SLC28A1: variants seen among roughly 807,000 people sequenced by gnomAD.
The protein encoded by SLC28A1 is sodium/nucleoside cotransporter 1.
SLC28A1 carries 64 observed loss-of-function variants against 74.8 expected under a neutral mutation model. The observed-to-expected ratio is 0.86, with a 90% CI of 0.70 to 1.05. The LOEUF (loss-of-function observed/expected upper bound fraction) is 1.05, where lower values mean the gene tolerates loss of function less well. SLC28A1 is among the 50% of genes least tolerant of loss of function. The probability of loss-of-function intolerance (pLI) is 0.00; values close to 1 mark genes in which losing one functional copy is unlikely to be tolerated. For synonymous variants in SLC28A1, 359 were observed against 335.0 expected (o/e 1.07, Z -0.78); for missense variants, 828 against 822.8 (o/e 1.01, Z -0.08).
At chr15:84,898,231 T>C (rs1966217945) in intron 6 of SLC28A1, among the ~76,000 whole-genome samples, 1 of 152,126 alleles carries the variant, frequency 6.6e-6, no homozygotes, top group African/African-American at 2.4e-5. Context: ...CCATGCACTG[T>C]AAATGGGCAA....
chr15:84,932,213 C>T (rs1971388246), intron 12 of SLC28A1, among the ~76,000 whole-genome samples: 1 of 152,148 alleles, frequency 6.6e-6, no homozygotes, highest in Non-Finnish European at 1.5e-5. Context: ...CCATCATTTT[C>T]AATGACAGCC....
chr15:84,916,976 C>T (rs1039429277), intron 9 of SLC28A1, among the ~76,000 whole-genome samples: 25 of 139,348 alleles, frequency 1.8e-4, no homozygotes, highest in South Asian at 7.2e-4. Flanking sequence ...TGTAGTGAGC[C>T]GAGATCGTAC....
the SLC28A1 span, among the ~76,000 whole-genome samples, chr15:84,963,169 G>A: frequency 1.3e-5 from 2 of 152,082 alleles, no homozygotes; most frequent in Non-Finnish European, 2.9e-5. Flanking sequence ...GATTTAAATT[G>A]AATTAGAAAA....
At chr15:84,906,776 T>C (rs1967316630) in intron 8 of SLC28A1, among the ~76,000 whole-genome samples, 2 of 151,928 alleles carry the variant, frequency 1.3e-5, no homozygotes, top group Admixed American at 6.6e-5. Flanking sequence ...TTTGGTAAAA[T>C]ATACATAACA....
At chr15:84,918,267 C>CT (rs1300493440) in intron 9 of SLC28A1, among the ~76,000 whole-genome samples, 1 of 152,136 alleles carries the variant, frequency 6.6e-6, no homozygotes, top group Non-Finnish European at 1.5e-5. Flanking sequence ...CCTACCTGTG[C>CT]TGAGGAGAGG....
At chr15:84,895,258 G>T in intron 6 of SLC28A1, 135 bp downstream of exon 6, 2 of 1,573,492 alleles carry the variant, frequency 1.3e-6, no homozygotes, top group South Asian at 2.2e-5. Context: ...CCCAGGGCAG[G>T]AGCCAGTGGG....
At chr15:84,962,486 G>A in the SLC28A1 span, among the ~76,000 whole-genome samples, 1 of 152,146 alleles carries the variant, frequency 6.6e-6, no homozygotes, top group Non-Finnish European at 1.5e-5. Flanking sequence ...CGCCCAGGCT[G>A]GAGTATGGTG....
At position 84,920,992 on chromosome 15, in the gene SLC28A1, G is replaced by A; in HGVS notation, c.880G>A (p.Ala294Thr). ...GLMQWVILKI[A>T]WLMQVTMGTT... ...AGAACATTCTGCTTCCTTCTAGATTGCCTGGCTGATGCAAGTCACCATGGG... is the reference window on the plus strand; with the variant it reads ...AGAACATTCTGCTTCCTTCTAGATTACCTGGCTGATGCAAGTCACCATGGG... The change falls in exon 11 of 19, where the codon GCC (alanine) becomes ACC (threonine). Residue 294 changes from alanine to threonine, a missense_variant. By Grantham distance (58) the Ala-to-Thr change is moderately conservative. Around this residue, in one of 3 missense-constraint regions of SLC28A1, gnomAD observed 767 missense variants for 753.5 expected, o/e 1.02. Transcript: ENST00000394573. 6.2e-7 allele frequency: 1 copy of A among 1,613,310 alleles called. No homozygotes were observed. The highest frequency in any genetic ancestry group is 8.5e-7 in the Non-Finnish European group (1 of 1,179,306).
chr15:84,925,790 A>C (rs888873672), intron 12 of SLC28A1, among the ~76,000 whole-genome samples: 4 of 152,052 alleles, frequency 2.6e-5, no homozygotes, highest in Non-Finnish European at 5.9e-5. Flanking sequence ...TTTTTTAATA[A>C]AAGTTGAGAA....
At position 84,945,194 on chromosome 15, in the gene SLC28A1, A is replaced by C; in HGVS notation, c.1944A>C (p.Ala648=). The C allele has an allele frequency of 6.2e-7, 1 of 1,613,858 alleles. No homozygotes were observed. Among genetic ancestry groups the C allele is most frequent in the Non-Finnish European group, 8.5e-7 (1 of 1,179,776 alleles). ...GGTTTTACAACCACACGATCTGTGC[A>C]CAGTGAGGACAGAACATGCTTGTGC... ...CCRFYNHTIC[A]Q Residue 648 remains alanine, a synonymous_variant, in exon 19 of 19, where the codon GCA becomes GCC. Transcript: ENST00000394573.
intron 2 of SLC28A1, among the ~76,000 whole-genome samples, chr15:84,887,018 T>C (rs1392328781): frequency 6.6e-6 from 1 of 152,194 alleles, no homozygotes; most frequent in Non-Finnish European, 1.5e-5. Flanking sequence ...TATTTACAGA[T>C]GAGCTTAAGC....
At chr15:84,931,828 G>A (rs1596336533) in intron 12 of SLC28A1, among the ~76,000 whole-genome samples, 1 of 150,200 alleles carries the variant, frequency 6.7e-6, no homozygotes, top group African/African-American at 2.5e-5. Flanking sequence ...ACGGTGAAAC[G>A]CCATCTCTAC....
Position 84,935,061 on chromosome 15 carries a change from G to T in SLC28A1, c.1250G>T (p.Gly417Val), listed in dbSNP as rs752216955. 2 of 1,614,108 alleles carry T rather than the reference G, an allele frequency of 1.2e-6. No individual in the cohort carries two copies. Among genetic ancestry groups the T allele is most frequent in the Admixed American group, 3.3e-5 (2 of 60,024 alleles). ...AQNLIEAAST[G>V]AAISVKVVAN... ...AACCTCATAGAAGCAGCCAGCACTG[G>T]GGCCGCCATCTCCGTGAAGGTGGTC... The change falls in exon 14 of 19, where the codon GGG (glycine) becomes GTG (valine). Residue 417 changes from glycine to valine, a missense_variant. By Grantham distance (109) the Gly-to-Val change is moderately radical (BLOSUM62 -3). Transcript: ENST00000394573.
the SLC28A1 span, among the ~76,000 whole-genome samples, chr15:84,974,500 C>G: frequency 6.6e-6 from 1 of 152,156 alleles, no homozygotes; most frequent in Non-Finnish European, 1.5e-5. Context: ...GCCAACCTGG[C>G]AGGGGTTTGG....
intron 1 of SLC28A1, chr15:84,886,022 C>A: frequency 2.2e-6 from 1 of 450,326 alleles, no homozygotes; most frequent in Non-Finnish European, 2.9e-6. Context: ...TGAGCGCGTA[C>A]CATTAATTAT....
At position 84,890,548 on chromosome 15, in the gene SLC28A1, C is replaced by A; in HGVS notation, c.277+14C>A. 4 of 1,590,528 alleles carry A rather than the reference C, an allele frequency of 2.5e-6. No individual in the cohort carries two copies. Among genetic ancestry groups the A allele is most frequent in the Non-Finnish European group, 3.4e-6 (4 of 1,163,666 alleles). ...TGCTCTGCACTGGTGAGCCTGGGGC[C>A]CAGCACTACCCAGGACACAATGACT... On this transcript the variant is annotated intron_variant, in intron 5 of 18. Transcript: ENST00000394573.
chr15:84,910,884 G>C (rs967662202), intron 9 of SLC28A1, among the ~76,000 whole-genome samples: 1 of 152,194 alleles, frequency 6.6e-6, no homozygotes, highest in African/African-American at 2.4e-5. Flanking sequence ...GAGACTCCTT[G>C]AGGAGGCAGC....
intron 8 of SLC28A1, among the ~76,000 whole-genome samples, chr15:84,908,419 G>A (rs1490942076): frequency 6.6e-6 from 1 of 151,878 alleles, no homozygotes; most frequent in Non-Finnish European, 1.5e-5. Flanking sequence ...CCTGACCTCA[G>A]GTGATCCGCC....
At position 84,912,797 on chromosome 15, in the gene SLC28A1, T is replaced by TGCGCGCGCGCGTGC. The variant is rs148740007; in HGVS notation, c.795+4012_795+4013insGTGCGCGCGCGCGC. Among the ~76,000 whole-genome samples the TGCGCGCGCGCGTGC allele has an allele frequency of 2.9e-3, 348 of 118,208 alleles. 2 individuals carry two copies. The highest frequency in any genetic ancestry group is 9.3e-3 in the African/African-American group (281 of 30,172). The allele number at this position is 118,208 out of a possible 152,430, so 77.5% of individuals were successfully genotyped here. ...CCCAGTGGTCAACAGTGCCAAATTT[T>TGCGCGCGCGCGTGC]GCGCGCGCGCACACACACACACACA... is the stretch of plus-strand genomic sequence containing the variant. On this transcript the variant is annotated intron_variant, in intron 9 of 18. Transcript: ENST00000394573.
Sources: gnomAD v4.1 joint callset for allele counts (sites outside exome capture counted in the v4.1 genomes callset) on GRCh38, gnomAD v4.1.1 for gene constraint, gnomAD v4.1.1 regional missense constraint, MANE v1.5 for transcripts, NCBI Gene and HGNC (gene_info 2026-07-23, HGNC 2026-07-21) for gene names.